DNAAF11: variants seen among roughly 807,000 people sequenced by gnomAD.
DNAAF11 encodes the protein leucine rich repeat containing 6.
A neutral mutation model predicts 60.8 loss-of-function variants in DNAAF11; 45 were observed. The ratio of observed to expected loss-of-function variants is 0.74; its 90% CI spans 0.58 to 0.95. The LOEUF is 0.95. Among genes scored for constraint, DNAAF11 ranks in the 40% least tolerant of loss-of-function variants. The probability of loss-of-function intolerance (pLI) is 0.00; values close to 1 mark genes in which losing one functional copy is unlikely to be tolerated. For synonymous variants in DNAAF11, 191 were observed against 183.5 expected, an observed-to-expected ratio of 1.04 and a Z score of -0.33; for missense variants, 546 against 546.2, an observed-to-expected ratio of 1.00 and a Z score of 0.00.
intron 11 of DNAAF11, among the ~76,000 whole-genome samples, chr8:132,578,153 G>A (rs945130122): frequency 2.0e-5 from 3 of 151,894 alleles, no homozygotes; most frequent in Middle Eastern, 3.2e-3. Context: ...TTGACTTTGA[G>A]GAAGAATGGC....
chr8:132,653,220 G>A (rs1487409622), intron 3 of DNAAF11, among the ~76,000 whole-genome samples: 2 of 152,056 alleles, frequency 1.3e-5, no homozygotes, highest in East Asian at 3.9e-4. Context: ...ATGGATAGAT[G>A]GAAGAAGGAA....
chr8:132,698,333 GCA>G, the DNAAF11 span, among the ~76,000 whole-genome samples: 1 of 151,966 alleles, frequency 6.6e-6, no homozygotes, highest in Non-Finnish European at 1.5e-5. Flanking sequence ...AAACCACACA[GCA>G]CTACAAGAGA....
the DNAAF11 span, among the ~76,000 whole-genome samples, chr8:132,701,121 A>G: frequency 6.6e-6 from 1 of 152,126 alleles, no homozygotes; most frequent in Non-Finnish European, 1.5e-5. Flanking sequence ...CTCATGGCCT[A>G]ATCACCTTTT....
upstream of DNAAF11, among the ~76,000 whole-genome samples, chr8:132,679,212 CAG>C (rs1825830457): frequency 6.6e-6 from 1 of 152,176 alleles, no homozygotes; most frequent in African/African-American, 2.4e-5. Flanking sequence ...TACTCGAGGG[CAG>C]AGAGGGAATT....
the DNAAF11 span, among the ~76,000 whole-genome samples, chr8:132,698,964 A>T: frequency 1.0e-5 from 1 of 99,142 alleles, no homozygotes; most frequent in South Asian, 2.8e-4. Flanking sequence ...ATACACACAC[A>T]CACACACAAA....
At chr8:132,652,125 G>A (rs971065244) in intron 3 of DNAAF11, among the ~76,000 whole-genome samples, 1 of 152,238 alleles carries the variant, frequency 6.6e-6, no homozygotes, top group Non-Finnish European at 1.5e-5. Context: ...GCTATTAGCA[G>A]ATGGCATTGG....
At chr8:132,690,633 C>T in the DNAAF11 span, among the ~76,000 whole-genome samples, 1 of 152,164 alleles carries the variant, frequency 6.6e-6, no homozygotes. Context: ...TTAGCCATTA[C>T]CTAATGTCAG....
chr8:132,675,597 A>C, upstream of DNAAF11: 1 of 1,264,524 alleles, frequency 7.9e-7, no homozygotes, highest in Non-Finnish European at 1.1e-6. Flanking sequence ...GGAATTCAGG[A>C]GCCATGGCAA....
chr8:132,690,628 C>T, the DNAAF11 span, among the ~76,000 whole-genome samples: 25 of 150,410 alleles, frequency 1.7e-4, no homozygotes, highest in African/African-American at 5.5e-4. Context: ...TTTCCTTAGC[C>T]ATTACCTAAT....
At chr8:132,601,607 T>C (rs1462174600) in intron 10 of DNAAF11, among the ~76,000 whole-genome samples, 1 of 151,986 alleles carries the variant, frequency 6.6e-6, no homozygotes, top group Non-Finnish European at 1.5e-5. Context: ...AAAAGATGAG[T>C]TCATGTCCTT....
At chr8:132,684,953 T>A in the DNAAF11 span, 2 of 152,228 alleles carry the variant, frequency 1.3e-5, no homozygotes, top group African/African-American at 4.8e-5. Flanking sequence ...ATGTGGTGTC[T>A]CATCCATTAC....
the DNAAF11 span, among the ~76,000 whole-genome samples, chr8:132,694,916 C>T: frequency 3.3e-4 from 50 of 152,126 alleles, no homozygotes; most frequent in Admixed American, 8.5e-4. Context: ...AATTTAAATG[C>T]TGAAAACATG....
chr8:132,588,652 G>C (rs1042851074), intron 10 of DNAAF11, among the ~76,000 whole-genome samples: 27 of 152,180 alleles, frequency 1.8e-4, no homozygotes, highest in African/African-American at 6.5e-4. Flanking sequence ...TGCTAGAAAG[G>C]ATAGAGAGCA....
At chr8:132,675,662 C>T, upstream of DNAAF11, 7 of 599,476 alleles carry the variant, frequency 1.2e-5, no homozygotes, top group Non-Finnish European at 2.0e-5. Flanking sequence ...TCCTGAGCTC[C>T]GCGGAGCAAG....
Position 132,638,056 on chromosome 8 carries a change from A to C in DNAAF11, c.308T>G (p.Leu103Arg). Residue 103 changes from leucine (L) to arginine (R), a missense_variant, in exon 4 of 12, where the codon CTG (leucine) becomes CGG (arginine). Physicochemically the swap from Leu to Arg is moderately radical, Grantham distance 102. Coordinates refer to ENST00000620350, the MANE Select transcript of DNAAF11 (RefSeq NM_012472.6). ...LDLTVNFIGE[L>R]SSIKNLQHNI... ...GTGCTGCAAGTTTTTAATGCTGCTC[A>C]GCTCTCCAATGAAATTCACAGTCAG... The C allele has an allele frequency of 6.2e-7, 1 of 1,614,178 alleles. No homozygotes were observed. Among genetic ancestry groups the C allele is most frequent in the Non-Finnish European group, 8.5e-7 (1 of 1,180,004 alleles).
chr8:132,650,373 TG>T (rs1297197319), intron 3 of DNAAF11, among the ~76,000 whole-genome samples: 3 of 131,870 alleles, frequency 2.3e-5, no homozygotes, highest in Non-Finnish European at 4.8e-5. Flanking sequence ...TGTCATGAGG[TG>T]GGGGGAGGGC....
chr8:132,674,350 C>G (rs937003679), intron 1 of DNAAF11, among the ~76,000 whole-genome samples: 2 of 152,094 alleles, frequency 1.3e-5, no homozygotes, highest in East Asian at 1.9e-4. Context: ...CACTCCCCCC[C>G]GACCCCCACC....
rs764410804 is a variant in DNAAF11, at chr8:132,571,450, A to C, written c.*856T>G. Among the ~76,000 whole-genome samples the C allele has an allele frequency of 6.6e-6, 1 of 152,130 alleles. No homozygotes were observed. Among genetic ancestry groups the C allele is most frequent in the African/African-American group, 2.4e-5 (1 of 41,428 alleles). ...TAGATAAAGAAGAGGTAGGATATTAAAAAAGTAAAGAAGGAAATAGAGGAG... is the reference window on the plus strand; with the variant it reads ...TAGATAAAGAAGAGGTAGGATATTACAAAAGTAAAGAAGGAAATAGAGGAG... On this transcript the variant is annotated 3_prime_UTR_variant, in exon 12 of 12. Coordinates refer to ENST00000620350, the MANE Select transcript of DNAAF11 (RefSeq NM_012472.6).
the DNAAF11 span, among the ~76,000 whole-genome samples, chr8:132,695,544 C>A: frequency 2.0e-5 from 3 of 152,174 alleles, no homozygotes; most frequent in African/African-American, 4.8e-5. Context: ...TCTATTTTCT[C>A]AGTAAAATAG....
Sources: allele counts gnomAD v4.1 joint callset (sites outside exome capture counted in the v4.1 genomes callset), GRCh38; gene constraint gnomAD v4.1.1; transcripts MANE v1.5; gene names NCBI Gene and HGNC (gene_info 2026-07-23, HGNC 2026-07-21).